The following ZNF473 variants were observed in gnomAD, a reference collection of about 807,000 sequenced individuals.
ZNF473 encodes zinc finger protein 473, also known as zinc finger protein 100 homolog.
ZNF473 carries 4 observed loss-of-function variants against 11.1 expected under a neutral mutation model. The observed-to-expected ratio is 0.36, with a 90% confidence interval of 0.18 to 0.82. The LOEUF is 0.82. Ranked by LOEUF, ZNF473 falls within the 40% of genes least tolerant of loss-of-function variation. ZNF473 has a pLI of 0.49. For missense variants in ZNF473, 854 were observed against 1,084.0 expected (o/e 0.79, Z 2.98); for synonymous variants, 404 against 390.4 (o/e 1.03, Z -0.41).
In ZNF473 at chr19:50,045,932, A is replaced by C; in HGVS notation, c.1489A>C (p.Ser497Arg). Reference protein sequence around the residue: ...YSCAECKETFSDNNRLVQHQK... With the variant: ...YSCAECKETFRDNNRLVQHQK... ...CTGTGCTGAATGCAAGGAGACTTTC[A>C]GCGATAACAATCGCCTTGTGCAACA... The change falls in exon 5 of 5, where the codon AGC becomes CGC. Residue 497 changes from serine (S) to arginine (R), a missense_variant. This residue lies in a region of ZNF473 where 668 missense variants were observed against 790.2 expected (regional missense o/e 0.85). Coordinates refer to ENST00000270617, the MANE Select transcript of ZNF473 (RefSeq NM_015428.4). The C allele has an allele frequency of 1.9e-6, 3 of 1,614,214 alleles. No homozygotes were observed. Among genetic ancestry groups the C allele is most frequent in the Non-Finnish European group, 2.5e-6 (3 of 1,180,042 alleles).
chr19:50,032,345 CTA>C (rs1568834068), intron 2 of ZNF473, among the ~76,000 whole-genome samples: 1 of 151,708 alleles, frequency 6.6e-6, no homozygotes, highest in Non-Finnish European at 1.5e-5. Context: ...AGTCAGGAGA[CTA>C]TTAATTATAT....
At position 50,047,914 on chromosome 19, in the gene ZNF473, C is replaced by T. The variant is rs1448917413; in HGVS notation, c.*855C>T. 6.6e-6 allele frequency: 1 copy of T among 152,128 alleles called. No individual in the cohort carries two copies. Among genetic ancestry groups the T allele is most frequent in the Non-Finnish European group, 1.5e-5 (1 of 68,022 alleles). 9.4% of individuals were successfully genotyped at this position (152,128 alleles called of 1,614,324 possible). ...AAGCTGCATTGATCAGGGTGTTAAC[C>T]GCATATGAAACAACCCATATGGAAG... On this transcript the variant is annotated 3_prime_UTR_variant, in exon 5 of 5. Coordinates refer to ENST00000270617, the MANE Select transcript of ZNF473 (RefSeq NM_015428.4).
In ZNF473 at chr19:50,047,283, TC is replaced by T. The variant is rs1568412890; in HGVS notation, c.*227del. ...TGGAGCCAGTCTACCTTGAGTTAAA[TC>T]CCACCTCTGCCATCTACTACCTAAG... On this transcript the variant is annotated 3_prime_UTR_variant, in exon 5 of 5. Coordinates refer to ENST00000270617, the MANE Select transcript of ZNF473 (RefSeq NM_015428.4). 4.0e-6 allele frequency: 2 copies of T among 500,816 alleles called. No individual in the cohort carries two copies. Among genetic ancestry groups the T allele is most frequent in the African/African-American group, 1.9e-5 (1 of 52,092 alleles). 31.0% of individuals were successfully genotyped at this position (500,816 alleles called of 1,614,324 possible). A position where few individuals can be genotyped will look rare whatever the true frequency, so the allele number is the denominator to read the frequency against.
chr19:50,028,235 T>G (rs1005480464), intron 1 of ZNF473, among the ~76,000 whole-genome samples: 4 of 151,486 alleles, frequency 2.6e-5, no homozygotes, highest in Non-Finnish European at 5.9e-5. Context: ...GAGGCAGAGC[T>G]TGCAGCGAGC....
intron 3 of ZNF473, chr19:50,041,429 C>T (rs538578688): frequency 8.6e-5 from 19 of 220,694 alleles, no homozygotes; most frequent in African/African-American, 4.1e-4. Context: ...GAAGTACGTG[C>T]CTCTCCACCT....
rs776320666 is a variant in ZNF473 at position 50,048,726 on chromosome 19, C to T, written c.*1667C>T. The T allele has an allele frequency of 1.3e-5, 2 of 152,272 alleles. No homozygotes were observed. Among genetic ancestry groups the T allele is most frequent in the African/African-American group, 2.4e-5 (1 of 41,458 alleles). 9.4% of individuals were successfully genotyped at this position (152,272 alleles called of 1,614,324 possible). A position where few individuals can be genotyped will look rare whatever the true frequency, so the allele number is the denominator to read the frequency against. On this transcript the variant is annotated 3_prime_UTR_variant, in exon 5 of 5. Coordinates refer to ENST00000270617, the MANE Select transcript of ZNF473 (RefSeq NM_015428.4). ...TGCTGCAGGCCAAGGTAGAAACGCC[C>T]TCCGTGTGTGCATATTTGTTGGTTC...
intron 2 of ZNF473, among the ~76,000 whole-genome samples, chr19:50,038,601 C>T (rs1001434223): frequency 1.3e-5 from 2 of 152,180 alleles, no homozygotes; most frequent in African/African-American, 2.4e-5. Flanking sequence ...TTCAAAACCT[C>T]AGAACCACAT....
chr19:50,047,785 CCCTCTT>C lies in ZNF473; in HGVS notation c.*730_*735del, dbSNP rs755866649. On this transcript the variant is annotated 3_prime_UTR_variant, in exon 5 of 5. Transcript: ENST00000270617. ...ACTCCCTATCCCACAAACACATGCT[CCCTCTT>C]CCTATGACCTTCCTCCATTTAACAG... 4 of 152,252 alleles carry C rather than the reference CCCTCTT, an allele frequency of 2.6e-5. No homozygotes were observed. Among genetic ancestry groups the C allele is most frequent in the Non-Finnish European group, 5.9e-5 (4 of 68,066 alleles). The allele number at this position is 152,252 out of a possible 1,614,324, so 9.4% of individuals were successfully genotyped here. A position where few individuals can be genotyped will look rare whatever the true frequency, so the allele number is the denominator to read the frequency against.
intron 3 of ZNF473, chr19:50,040,697 C>A: frequency 6.6e-6 from 1 of 152,404 alleles, no homozygotes. Context: ...CTCATTTTCC[C>A]TCTCTGTTGC....
At position 50,046,228 on chromosome 19, in the gene ZNF473, G is replaced by C. The variant is rs1979111017; in HGVS notation, c.1785G>C (p.Gln595His). 6.2e-7 allele frequency: 1 copy of C among 1,614,196 alleles called. No homozygotes were observed. Residue 595 changes from glutamine to histidine, a missense_variant, in exon 5 of 5, where the codon CAG (glutamine) becomes CAC (histidine). By Grantham distance (24) the Gln-to-His change is conservative. This residue lies in a region of ZNF473 where 668 missense variants were observed against 790.2 expected (regional missense o/e 0.85). Transcript: ENST00000270617. The surrounding 1 kb of genome is among the most constrained non-coding windows in gnomAD (Gnocchi z 5.9). ...TRGVKPFECD[Q>H]CGKAFGQSTR... ...GAGTGAAGCCCTTTGAATGTGACCA[G>C]TGTGGGAAAGCCTTTGGCCAAAGTA...
At chr19:50,031,180 C>T in intron 2 of ZNF473, 89 bp downstream of exon 2, 1 of 1,525,780 alleles carries the variant, frequency 6.6e-7, no homozygotes, top group Non-Finnish European at 8.9e-7. Context: ...TTGAAGGTCG[C>T]TCTGTGTTGA....
chr19:50,041,630 AT>A lies in ZNF473; in HGVS notation c.137-99del, dbSNP rs1978774293. On this transcript the variant is annotated intron_variant, in intron 3 of 4. Transcript: ENST00000270617. The stretch of plus-strand genomic sequence containing the variant: ...TCCACACACAGGAGCCACGTGCAGG[AT>A]AAAGCATAGAAAAGTCAGGAGAGCC... The A allele has an allele frequency of 6.7e-6, 7 of 1,047,664 alleles. No individual in the cohort carries two copies. The East Asian group carries it at 1.3e-4, about 19-fold the overall frequency. 64.9% of individuals were successfully genotyped at this position (1,047,664 alleles called of 1,614,324 possible).
intron 1 of ZNF473, among the ~76,000 whole-genome samples, chr19:50,028,115 G>A (rs1467374861): frequency 1.3e-5 from 2 of 151,980 alleles, no homozygotes; most frequent in African/African-American, 2.4e-5. Context: ...TGGCTAACAC[G>A]GTGAAACTCC....
chr19:50,028,983 A>G (rs971394729), intron 1 of ZNF473, among the ~76,000 whole-genome samples: 8 of 152,150 alleles, frequency 5.3e-5, no homozygotes, highest in African/African-American at 1.9e-4. Context: ...TTTTTTCATA[A>G]ATTTAGTGTC....
At chr19:50,034,027 G>A (rs1226902332) in intron 2 of ZNF473, among the ~76,000 whole-genome samples, 2 of 152,146 alleles carry the variant, frequency 1.3e-5, no homozygotes, top group Admixed American at 6.6e-5. Context: ...GCATTATTCG[G>A]CCATGACAAT....
chr19:50,041,904 T>A, intron 4 of ZNF473, 85 bp downstream of exon 4: 1 of 1,083,628 alleles, frequency 9.2e-7, no homozygotes, highest in Non-Finnish European at 1.3e-6. Flanking sequence ...CCCACAGGTC[T>A]ACCGAGACAT....
chr19:50,045,974 G>C lies in ZNF473; in HGVS notation c.1531G>C (p.Val511Leu). Reference sequence around the variant, plus strand: ...TGTGCAACACCAGAAAATGCACACTGTCAAAACCCCATATGAATGTCAGGA... The same window carrying C: ...TGTGCAACACCAGAAAATGCACACTCTCAAAACCCCATATGAATGTCAGGA... The part of the protein sequence containing the change: ...RLVQHQKMHT[V>L]KTPYECQECG... The change falls in exon 5 of 5, where the codon GTC becomes CTC. Residue 511 changes from valine (V) to leucine (L), a missense_variant. Val to Leu is a conservative substitution (Grantham distance 32, BLOSUM62 1). Around this residue, in one of 2 missense-constraint regions of ZNF473, gnomAD observed 668 missense variants for 790.2 expected, o/e 0.85. Coordinates refer to ENST00000270617, the MANE Select transcript of ZNF473 (RefSeq NM_015428.4). 1 of 1,614,158 alleles carries C rather than the reference G, an allele frequency of 6.2e-7. No individual in the cohort carries two copies. Among genetic ancestry groups the C allele is most frequent in the Non-Finnish European group, 8.5e-7 (1 of 1,180,034 alleles).
At chr19:50,027,174 C>A (rs866490159) in intron 1 of ZNF473, among the ~76,000 whole-genome samples, 2 of 152,098 alleles carry the variant, frequency 1.3e-5, no homozygotes, top group Admixed American at 1.3e-4. Flanking sequence ...AGCACCCCCC[C>A]ACACCCCGAG....
At chr19:50,032,082 G>T (rs2077321339) in intron 2 of ZNF473, among the ~76,000 whole-genome samples, 1 of 151,034 alleles carries the variant, frequency 6.6e-6, no homozygotes, top group African/African-American at 2.4e-5. Context: ...AGCACACAGG[G>T]TAAATGATTG....
Sources: allele counts gnomAD v4.1 joint callset (sites outside exome capture counted in the v4.1 genomes callset), GRCh38; gene constraint gnomAD v4.1.1; regional missense constraint gnomAD v4.1.1; non-coding constraint Gnocchi (gnomAD v3.1); transcripts MANE v1.5; gene names NCBI Gene and HGNC (gene_info 2026-07-23, HGNC 2026-07-21).